Variants in SLC38A1 observed in about 807,000 individuals in gnomAD.
The protein encoded by SLC38A1 is solute carrier family 38 member 1, also known as sodium-coupled neutral amino acid symporter 1.
Under a neutral mutation model 60.3 loss-of-function variants are expected in SLC38A1, and 18 were observed. The ratio of observed to expected loss-of-function variants is 0.30; its 90% CI spans 0.21 to 0.44. The LOEUF (loss-of-function observed/expected upper bound fraction) is 0.44. Ranked by LOEUF, SLC38A1 falls within the 20% of genes least tolerant of loss-of-function variation. SLC38A1 has a pLI of 1.00. For missense variants in SLC38A1, 448 were observed against 587.2 expected, an observed-to-expected ratio of 0.76 and a Z score of 2.45; for synonymous variants, 196 against 212.1, an observed-to-expected ratio of 0.92 and a Z score of 0.66.
At chr12:46,198,157 C>T in intron 14 of SLC38A1, 97 bp from the exon 15 acceptor site, 1 of 1,341,584 alleles carries the variant, frequency 7.5e-7, no homozygotes, top group Non-Finnish European at 1.0e-6. Context: ...CACAGGAATT[C>T]ATGAAATGTT....
intron 1 of SLC38A1, among the ~76,000 whole-genome samples, chr12:46,261,758 A>C (rs1044535946): frequency 2.0e-5 from 3 of 152,234 alleles, no homozygotes; most frequent in African/African-American, 7.2e-5. Context: ...TATGCTTGGA[A>C]TGTTTAAGAA....
chr12:46,212,973 CT>C (rs1940241944), intron 5 of SLC38A1, among the ~76,000 whole-genome samples: 1 of 152,162 alleles, frequency 6.6e-6, no homozygotes, highest in African/African-American at 2.4e-5. Context: ...CCTAACAGTC[CT>C]GAGGGTGCTC....
rs1340332097 is a variant in SLC38A1 at position 46,203,109 on chromosome 12, A to C, written c.823-20T>G. The C allele has an allele frequency of 1.2e-6, 2 of 1,600,398 alleles. No homozygotes were observed. The highest frequency in any genetic ancestry group is 1.7e-6 in the Non-Finnish European group (2 of 1,170,276). ...CACGGTCTATTTGAGAGAAAAGAATAGACATTAGGAAAAACACTTTTACCA... is the reference window on the plus strand; with the variant it reads ...CACGGTCTATTTGAGAGAAAAGAATCGACATTAGGAAAAACACTTTTACCA... On this transcript the variant is annotated intron_variant, in intron 11 of 16. Coordinates refer to ENST00000398637, the MANE Select transcript of SLC38A1 (RefSeq NM_030674.4).
chr12:46,188,839 T>C lies in SLC38A1; in HGVS notation c.*131A>G. 3 of 692,350 alleles carry C rather than the reference T, an allele frequency of 4.3e-6. 1 individual carries two copies. The South Asian group carries it at 6.5e-5, about 15-fold the overall frequency. The allele number at this position is 692,350 out of a possible 1,614,324, so 42.9% of individuals were successfully genotyped here. A position where few individuals can be genotyped will look rare whatever the true frequency, so the allele number is the denominator to read the frequency against. ...ATGTCTCTGTTTTGCAACCAAAAAG[T>C]TATTCCATTTTAAGTATCCTGTACA... is the stretch of plus-strand genomic sequence containing the variant. On this transcript the variant is annotated 3_prime_UTR_variant, in exon 17 of 17. Coordinates refer to ENST00000398637, the MANE Select transcript of SLC38A1 (RefSeq NM_030674.4).
At position 46,268,277 on chromosome 12, in the gene SLC38A1, T is replaced by C. The variant is rs2139179300; in HGVS notation, c.-209+249A>G. 6.6e-6 allele frequency among the ~76,000 whole-genome samples: 1 copy of C among 152,258 alleles called. No homozygotes were observed. The highest frequency in any genetic ancestry group is 3.4e-3 in the Middle Eastern group (1 of 294). On this transcript the variant is annotated intron_variant, in intron 1 of 16. Coordinates refer to ENST00000398637, the MANE Select transcript of SLC38A1 (RefSeq NM_030674.4). The surrounding 1 kb of genome is among the most constrained non-coding windows in gnomAD (Gnocchi z 4.4). The stretch of plus-strand genomic sequence containing the variant: ...AGTCACAGGAAAACAAACCAAAAAG[T>C]AAGCCACAGCCCACGCAAAGGTGAA...
chr12:46,196,940 G>T (rs1939404318), intron 16 of SLC38A1, among the ~76,000 whole-genome samples: 1 of 152,160 alleles, frequency 6.6e-6, no homozygotes, highest in Non-Finnish European at 1.5e-5. Context: ...AAGCATATCT[G>T]TCAAATAATA....
intron 1 of SLC38A1, among the ~76,000 whole-genome samples, chr12:46,260,408 T>G (rs1453524049): frequency 6.6e-6 from 1 of 152,254 alleles, no homozygotes; most frequent in Admixed American, 6.5e-5. Flanking sequence ...CTTTGCGTTA[T>G]GAAATAGGAT....
At chr12:46,205,982 A>G (rs1939879512) in intron 9 of SLC38A1, 98 bp downstream of exon 9, 2 of 672,798 alleles carry the variant, frequency 3.0e-6, no homozygotes, top group African/African-American at 1.8e-5. Context: ...CTTTGAGTGC[A>G]TGCAGAGGGG....
chr12:46,193,628 A>G (rs987586400), intron 16 of SLC38A1, among the ~76,000 whole-genome samples: 1 of 152,160 alleles, frequency 6.6e-6, no homozygotes. Flanking sequence ...TATTGGGTGC[A>G]TATATATTTA....
At chr12:46,260,018 C>A (rs952851245) in intron 1 of SLC38A1, among the ~76,000 whole-genome samples, 1 of 152,162 alleles carries the variant, frequency 6.6e-6, no homozygotes, top group Non-Finnish European at 1.5e-5. Context: ...GCCTTAGTTT[C>A]CTCATCTGTA....
intron 1 of SLC38A1, among the ~76,000 whole-genome samples, chr12:46,261,706 A>G (rs1368212726): frequency 6.6e-6 from 1 of 152,220 alleles, no homozygotes; most frequent in Non-Finnish European, 1.5e-5. Context: ...ATTGTAAAGA[A>G]CTATATAAAC....
intron 1 of SLC38A1, among the ~76,000 whole-genome samples, chr12:46,261,952 T>C (rs1024074328): frequency 6.6e-6 from 1 of 152,134 alleles, no homozygotes; most frequent in African/African-American, 2.4e-5. Context: ...GGGATGCTGG[T>C]AAACATCATA....
intron 11 of SLC38A1, among the ~76,000 whole-genome samples, chr12:46,203,632 C>G (rs1168303696): frequency 6.6e-6 from 1 of 152,190 alleles, no homozygotes; most frequent in Non-Finnish European, 1.5e-5. Context: ...GGAGAAAGAT[C>G]GCGATCTATT....
rs1185420299 is a variant in SLC38A1 at position 46,204,515 on chromosome 12, T to C, written c.705+17A>G. The C allele has an allele frequency of 6.8e-6, 11 of 1,612,340 alleles. No individual in the cohort carries two copies. Among genetic ancestry groups the C allele is most frequent in the Admixed American group, 6.7e-5 (4 of 59,898 alleles). ...TACTATCACAAAACCAAACCAACCA[T>C]TGCAATCAGCACTTACCACAATTAG... On this transcript the variant is annotated intron_variant, in intron 10 of 16. Coordinates refer to ENST00000398637, the MANE Select transcript of SLC38A1 (RefSeq NM_030674.4).
intron 5 of SLC38A1, among the ~76,000 whole-genome samples, chr12:46,218,458 C>A (rs1057231889): frequency 6.6e-6 from 1 of 152,120 alleles, no homozygotes; most frequent in Non-Finnish European, 1.5e-5. Flanking sequence ...TTTTCCCATT[C>A]TGTTTTTGTG....
intron 15 of SLC38A1, 25 bp from the exon 16 acceptor site, chr12:46,197,842 G>C (rs752524138): frequency 6.3e-7 from 1 of 1,599,820 alleles, no homozygotes; most frequent in Admixed American, 1.8e-5. Flanking sequence ...AAAAGAGAAA[G>C]TTTAGCATTG....
intron 16 of SLC38A1, among the ~76,000 whole-genome samples, chr12:46,192,380 T>G (rs1329852523): frequency 6.6e-6 from 1 of 152,246 alleles, no homozygotes; most frequent in Non-Finnish European, 1.5e-5. Context: ...TCAGGGATAT[T>G]GGCCTAAAAT....
chr12:46,205,538 A>G (rs757124947), intron 9 of SLC38A1, among the ~76,000 whole-genome samples: 1 of 152,178 alleles, frequency 6.6e-6, no homozygotes, highest in Non-Finnish European at 1.5e-5. Flanking sequence ...TCCAAATACA[A>G]GCATAAAAAC....
intron 1 of SLC38A1, among the ~76,000 whole-genome samples, chr12:46,265,252 G>T (rs1374097066): frequency 6.6e-6 from 1 of 152,148 alleles, no homozygotes; most frequent in Non-Finnish European, 1.5e-5. Flanking sequence ...AAGATTCCTG[G>T]GTGAGTAAGC....
Sources: allele counts gnomAD v4.1 joint callset (sites outside exome capture counted in the v4.1 genomes callset), GRCh38; gene constraint gnomAD v4.1.1; non-coding constraint Gnocchi (gnomAD v3.1); transcripts MANE v1.5; gene names NCBI Gene and HGNC (gene_info 2026-07-23, HGNC 2026-07-21).